The following LOC728743 variants were observed in gnomAD, a reference collection of about 807,000 sequenced individuals.
the LOC728743 span, among the ~76,000 whole-genome samples, chr7:150,407,295 A>G: frequency 9.2e-5 from 14 of 152,152 alleles, no homozygotes; most frequent in African/African-American, 3.4e-4. Context: ...TGAGAGCCAC[A>G]TGGTTGTGTC....
the LOC728743 span, chr7:150,410,709 C>T: frequency 6.6e-6 from 1 of 152,440 alleles, no homozygotes; most frequent in Non-Finnish European, 1.5e-5. Flanking sequence ...GGTTACGGAC[C>T]TTCCCTAGGA....
At chr7:150,410,119 G>A in the LOC728743 span, 783 of 398,708 alleles carry the variant, frequency 2.0e-3, 2 homozygotes, top group African/African-American at 0.011. Flanking sequence ...GCCATGTCAC[G>A]GCTCCACACC....
the LOC728743 span, chr7:150,408,318 T>C: frequency 0.016 from 5,907 of 360,108 alleles, 293 homozygotes; most frequent in African/African-American, 0.11. Context: ...CCTCTCTAGA[T>C]GGGATCCCGG....
At chr7:150,409,142 G>GT in the LOC728743 span, among the ~76,000 whole-genome samples, 19 of 136,576 alleles carry the variant, frequency 1.4e-4, 1 homozygote, top group East Asian at 3.2e-3. Context: ...TGTTTTCAAG[G>GT]GAGGGGGGGT....
chr7:150,401,157 G>C, the LOC728743 span, among the ~76,000 whole-genome samples: 1 of 152,244 alleles, frequency 6.6e-6, no homozygotes, highest in Non-Finnish European at 1.5e-5. Context: ...TTCTGGAACT[G>C]CCTGCATCAT....
At chr7:150,403,220 AC>A in the LOC728743 span, among the ~76,000 whole-genome samples, 1 of 152,112 alleles carries the variant, frequency 6.6e-6, no homozygotes, top group African/African-American at 2.4e-5. The surrounding 1 kb of genome is among the most constrained non-coding windows in gnomAD (Gnocchi z 5.1). Context: ...TGTGCACGAA[AC>A]TAGAGAAGTG....
At chr7:150,405,193 G>A in the LOC728743 span, 1 of 152,208 alleles carries the variant, frequency 6.6e-6, no homozygotes, top group Non-Finnish European at 1.5e-5. Context: ...TGGCAGCCCC[G>A]TTTTCCGCCA....
At chr7:150,408,679 C>T in the LOC728743 span, among the ~76,000 whole-genome samples, 1 of 152,322 alleles carries the variant, frequency 6.6e-6, no homozygotes, top group Non-Finnish European at 1.5e-5. Flanking sequence ...AGGCCACTTT[C>T]CACAAACCCC....
chr7:150,406,253 G>A, the LOC728743 span, among the ~76,000 whole-genome samples: 1 of 152,196 alleles, frequency 6.6e-6, no homozygotes, highest in Non-Finnish European at 1.5e-5. Flanking sequence ...CCTTCGGGGA[G>A]GTCCAGTGGA....
chr7:150,410,015 TAGGGG>T, the LOC728743 span: 1 of 396,668 alleles, frequency 2.5e-6, no homozygotes, highest in African/African-American at 2.1e-5. Flanking sequence ...CAGTGCTTGG[TAGGGG>T]ACAAAGAGGA....
At chr7:150,408,213 G>A in the LOC728743 span, 1 of 391,774 alleles carries the variant, frequency 2.6e-6, no homozygotes, top group African/African-American at 2.1e-5. Context: ...CACTTAGGAC[G>A]CGTGCTATGA....
chr7:150,409,597 C>A, the LOC728743 span, among the ~76,000 whole-genome samples: 1 of 152,166 alleles, frequency 6.6e-6, no homozygotes, highest in Non-Finnish European at 1.5e-5. Context: ...AATCCCAGAA[C>A]CTTTTAGCTT....
chr7:150,406,143 G>C, the LOC728743 span, among the ~76,000 whole-genome samples: 1 of 152,162 alleles, frequency 6.6e-6, no homozygotes, highest in African/African-American at 2.4e-5. Flanking sequence ...CCTTCCCCAG[G>C]GTCAGTTCCA....
the LOC728743 span, among the ~76,000 whole-genome samples, chr7:150,406,540 G>C: frequency 6.6e-6 from 1 of 152,168 alleles, no homozygotes; most frequent in Admixed American, 6.5e-5. Context: ...CCTAGTCCAG[G>C]CTCACCTTGC....
the LOC728743 span, chr7:150,410,127 A>G: frequency 7.5e-6 from 3 of 398,558 alleles, no homozygotes; most frequent in Admixed American, 4.4e-5. Flanking sequence ...ACGGCTCCAC[A>G]CCTGATCCTG....
the LOC728743 span, chr7:150,400,736 G>A: frequency 3.3e-5 from 5 of 152,232 alleles, no homozygotes; most frequent in Admixed American, 2.0e-4. Flanking sequence ...GGGTGGTACT[G>A]TCCTTCTCAC....
the LOC728743 span, chr7:150,408,164 C>G: frequency 2.6e-6 from 1 of 391,988 alleles, no homozygotes; most frequent in South Asian, 1.3e-4. Flanking sequence ...CAAGACCCAT[C>G]AGCGCAGCCA....
At chr7:150,408,964 G>A in the LOC728743 span, among the ~76,000 whole-genome samples, 50 of 152,300 alleles carry the variant, frequency 3.3e-4, 1 homozygote, top group East Asian at 7.3e-3. Context: ...GCCCTGACAC[G>A]GGGTGCTCAC....
the LOC728743 span, among the ~76,000 whole-genome samples, chr7:150,401,372 C>T: frequency 6.6e-6 from 1 of 152,218 alleles, no homozygotes; most frequent in Admixed American, 6.5e-5. Flanking sequence ...GGCAGCCGCT[C>T]AGCCATGCAA....
Sources: allele counts gnomAD v4.1 joint callset (sites outside exome capture counted in the v4.1 genomes callset), GRCh38; gene constraint gnomAD v4.1.1; non-coding constraint Gnocchi (gnomAD v3.1); transcripts MANE v1.5.